The following TBC1D1 variants were observed in gnomAD, a reference collection of about 807,000 sequenced individuals.
TBC1D1 encodes the protein TBC1 domain family member 1.
TBC1D1 carries 89 observed loss-of-function variants against 125.6 expected under a neutral mutation model. The observed-to-expected ratio is 0.71, with a 90% CI of 0.60 to 0.85. The LOEUF (loss-of-function observed/expected upper bound fraction) is 0.85. Among genes scored for constraint, TBC1D1 ranks in the 40% least tolerant of loss-of-function variants. The pLI, the probability that TBC1D1 is intolerant of heterozygous loss-of-function variation, is 0.00. For missense variants in TBC1D1, 1,377 were observed against 1,469.2 expected, an observed-to-expected ratio of 0.94 and a Z score of 1.03; for synonymous variants, 565 against 564.1, an observed-to-expected ratio of 1.00 and a Z score of -0.02.
At chr4:38,097,531 A>G (rs1446151786) in intron 14 of TBC1D1, among the ~76,000 whole-genome samples, 1 of 151,882 alleles carries the variant, frequency 6.6e-6, no homozygotes, top group Admixed American at 6.6e-5. Context: ...TTTAGTAGAG[A>G]TGGGGTTTCA....
intron 8 of TBC1D1, among the ~76,000 whole-genome samples, chr4:38,039,048 T>G (rs1306604986): frequency 6.6e-6 from 1 of 151,460 alleles, no homozygotes; most frequent in Non-Finnish European, 1.5e-5. Flanking sequence ...TTTTGATTTT[T>G]TTCACCTTAG....
rs1177399376 is a variant in TBC1D1, at chr4:38,102,987, T to C, written c.2399-12T>C. 6.2e-7 allele frequency: 1 copy of C among 1,609,498 alleles called. No individual in the cohort carries two copies. The highest frequency in any genetic ancestry group is 1.1e-5 in the South Asian group (1 of 89,928). On this transcript the variant is annotated splice_polypyrimidine_tract_variant and intron_variant, in intron 14 of 19. Transcript: ENST00000261439. ...GCATAAATTATTTCCATGTCTTCTC[T>C]CCCTTTTAAAGGTGTGCCACGTCAT...
At chr4:38,134,224 C>T (rs1766084592) in intron 19 of TBC1D1, among the ~76,000 whole-genome samples, 1 of 152,136 alleles carries the variant, frequency 6.6e-6, no homozygotes, top group Admixed American at 6.5e-5. Context: ...TTTGCAGACA[C>T]AAGCTTGGCA....
chr4:37,909,416 C>T (rs371906217), intron 2 of TBC1D1, among the ~76,000 whole-genome samples: 47 of 152,190 alleles, frequency 3.1e-4, no homozygotes, highest in African/African-American at 1.1e-3. Context: ...AATAATTCAC[C>T]GTCTGCTTGG....
At chr4:38,022,505 GA>G (rs1222903843) in intron 6 of TBC1D1, among the ~76,000 whole-genome samples, 1 of 152,208 alleles carries the variant, frequency 6.6e-6, no homozygotes, top group African/African-American at 2.4e-5. Context: ...ATTTCCAGGA[GA>G]AGGCCATACT....
intron 2 of TBC1D1, among the ~76,000 whole-genome samples, chr4:38,002,685 C>G (rs1025994223): frequency 1.1e-4 from 16 of 152,200 alleles, no homozygotes; most frequent in Non-Finnish European, 2.1e-4. Flanking sequence ...TCTCTGGGAG[C>G]TGACCTTTAT....
chr4:37,955,845 A>T (rs1051545225), intron 2 of TBC1D1, among the ~76,000 whole-genome samples: 2 of 152,092 alleles, frequency 1.3e-5, no homozygotes, highest in African/African-American at 2.4e-5. Context: ...ATTATAATAC[A>T]TATTGTCAGG....
chr4:38,136,658 C>A (rs1020976163), intron 19 of TBC1D1, among the ~76,000 whole-genome samples: 2 of 152,148 alleles, frequency 1.3e-5, no homozygotes, highest in Non-Finnish European at 2.9e-5. Context: ...AGCCCGAAAT[C>A]GATTTGTGCG....
chr4:38,032,282 G>A (rs1746304779), intron 7 of TBC1D1, among the ~76,000 whole-genome samples: 1 of 152,178 alleles, frequency 6.6e-6, no homozygotes, highest in Non-Finnish European at 1.5e-5. Flanking sequence ...TTGTGCCACT[G>A]CACTCCAGCC....
At chr4:38,021,477 GA>G (rs1744016269) in intron 5 of TBC1D1, 108 bp from the exon 6 acceptor site, 3 of 1,021,834 alleles carry the variant, frequency 2.9e-6, no homozygotes, top group Non-Finnish European at 4.1e-6. Context: ...GAGTAGTACA[GA>G]AAACTCTTAA....
At chr4:37,973,510 T>C (rs1418445691) in intron 2 of TBC1D1, among the ~76,000 whole-genome samples, 1 of 152,246 alleles carries the variant, frequency 6.6e-6, no homozygotes. Flanking sequence ...TCAGATTTCC[T>C]TAGTCAATTC....
At chr4:38,136,215 A>G (rs1035919690) in intron 19 of TBC1D1, among the ~76,000 whole-genome samples, 3 of 152,218 alleles carry the variant, frequency 2.0e-5, no homozygotes, top group Non-Finnish European at 4.4e-5. Context: ...GACGAGGGAC[A>G]GTTGCTAGAA....
At chr4:38,037,449 A>G (rs1226841487) in intron 8 of TBC1D1, among the ~76,000 whole-genome samples, 1 of 151,852 alleles carries the variant, frequency 6.6e-6, no homozygotes, top group Non-Finnish European at 1.5e-5. Context: ...AGGTTGGTGT[A>G]CTCCAGGCTG....
At chr4:37,973,987 C>A (rs1215993425) in intron 2 of TBC1D1, among the ~76,000 whole-genome samples, 4 of 152,172 alleles carry the variant, frequency 2.6e-5, no homozygotes. Context: ...GTCTGTGGAC[C>A]ACACCTTGAA....
chr4:38,025,708 G>A (rs1326114346), intron 6 of TBC1D1, among the ~76,000 whole-genome samples: 1 of 152,120 alleles, frequency 6.6e-6, no homozygotes, highest in East Asian at 1.9e-4. Context: ...TCATATGTGG[G>A]GGGGATTTTT....
intron 11 of TBC1D1, among the ~76,000 whole-genome samples, chr4:38,051,162 T>C (rs1750463143): frequency 6.6e-6 from 1 of 152,208 alleles, no homozygotes; most frequent in African/African-American, 2.4e-5. Context: ...CCAGAGTTGA[T>C]AGGACTTAGT....
chr4:38,118,398 T>C lies in TBC1D1; in HGVS notation c.2962+206T>C, dbSNP rs112553944. ...CTGATAATCACGGGGCTTCCCTAGA[T>C]GCCTTCATCTTGTGGGATGTGGATC... On this transcript the variant is annotated intron_variant, in intron 17 of 19. Transcript: ENST00000261439. The C allele has an allele frequency of 4.3e-5, 25 of 586,470 alleles. No homozygotes were observed. The African/African-American group carries it at 4.3e-4, about 10-fold the overall frequency. 36.3% of individuals were successfully genotyped at this position (586,470 alleles called of 1,614,324 possible).
At chr4:37,967,478 G>C (rs1195147235) in intron 2 of TBC1D1, among the ~76,000 whole-genome samples, 1 of 149,948 alleles carries the variant, frequency 6.7e-6, no homozygotes, top group Non-Finnish European at 1.5e-5. Flanking sequence ...CTGGGTGACA[G>C]AGTGAGACTC....
chr4:37,905,570 A>G (rs1437159864), intron 2 of TBC1D1, among the ~76,000 whole-genome samples: 1 of 152,232 alleles, frequency 6.6e-6, no homozygotes, highest in African/African-American at 2.4e-5. Context: ...CATGGTGGAC[A>G]AGGACTCTGG....
Sources: allele counts gnomAD v4.1 joint callset (sites outside exome capture counted in the v4.1 genomes callset), GRCh38; gene constraint gnomAD v4.1.1; transcripts MANE v1.5; gene names NCBI Gene and HGNC (gene_info 2026-07-23, HGNC 2026-07-21).